Variants in TFE3 observed in about 807,000 individuals in gnomAD.
TFE3 encodes transcription factor binding to IGHM enhancer 3, also known as transcription factor E3.
Under a neutral mutation model 35.0 loss-of-function variants are expected in TFE3, and 5 were observed. The observed-to-expected ratio is 0.14, with a 90% CI of 0.07 to 0.30. The LOEUF is 0.30. TFE3 is among the 10% of genes least tolerant of loss of function. The pLI is 1.00. For synonymous variants in TFE3, 211 were observed against 215.6 expected (o/e 0.98, Z 0.18); for missense variants, 374 against 496.6 (o/e 0.75, Z 2.35).
chrX:49,031,634 C>T, intron 8 of TFE3, 90 bp from the exon 9 acceptor site: 1 of 977,539 alleles, frequency 1.0e-6, no homozygotes, highest in Non-Finnish European at 1.4e-6. Context: ...TGGGAGCCTC[C>T]CACCACATGC....
At chrX:49,033,055 G>A (rs1295299735) in intron 8 of TFE3, among the ~76,000 whole-genome samples, 1 of 106,561 alleles carries the variant, frequency 9.4e-6, no homozygotes, top group African/African-American at 3.4e-5. Context: ...ACCCCGCCTT[G>A]GCCTCCCAAA....
chrX:49,039,069 C>T, intron 3 of TFE3, 38 bp downstream of exon 3: 2 of 1,118,055 alleles, frequency 1.8e-6, no homozygotes. Flanking sequence ...CCTCAGTCAC[C>T]AGGAGCCCCC....
intron 5 of TFE3, among the ~76,000 whole-genome samples, chrX:49,036,190 G>A (rs1378835482): frequency 1.9e-5 from 2 of 107,711 alleles, no homozygotes; most frequent in African/African-American, 6.8e-5. Flanking sequence ...TAAATAGGCC[G>A]GGCGCGGTGG....
Position 49,030,478 on chromosome X carries a change from C to T in TFE3, c.1408G>A (p.Gly470Ser), listed in dbSNP as rs147974460. 258 of 1,209,636 alleles carry T rather than the reference C, an allele frequency of 2.1e-4. No homozygotes were observed. The highest frequency in any genetic ancestry group is 2.7e-4 in the Non-Finnish European group (241 of 895,064). ...TGGAACGTTGCTGCGCCTGGCCTGC[C>T]CTCCTCCTCAATGTCCAGCTGCTCT... ...KPEQLDIEEE[G>S]RPGAATFHVG... Residue 470 changes from glycine (G) to serine (S), a missense_variant, in exon 10 of 10, where the codon GGC (glycine) becomes AGC (serine). By Grantham distance (56) the Gly-to-Ser change is moderately conservative. This residue lies in a region of TFE3 where 117 missense variants were observed against 111.9 expected (regional missense o/e 1.05). Coordinates refer to ENST00000315869, the MANE Select transcript of TFE3 (RefSeq NM_006521.6).
At chrX:49,033,363 C>G in intron 8 of TFE3, 102 bp downstream of exon 8, 1 of 749,782 alleles carries the variant, frequency 1.3e-6, no homozygotes, top group Non-Finnish European at 2.0e-6. Context: ...AGGAGAAATG[C>G]CTGGGCCGAG....
chrX:49,039,720 G>C, intron 2 of TFE3: 1 of 225,080 alleles, frequency 4.4e-6, no homozygotes, highest in Middle Eastern at 1.3e-3. Flanking sequence ...GCAAGGGGGG[G>C]TTTGTCCTAT....
At chrX:49,039,024 G>A in intron 3 of TFE3, 83 bp downstream of exon 3, 1 of 998,570 alleles carries the variant, frequency 1.0e-6, no homozygotes, top group Non-Finnish European at 1.3e-6. Flanking sequence ...CAAATCACCA[G>A]TGCATCGAGG....
At chrX:49,042,111 T>C (rs2064763466) in intron 1 of TFE3, among the ~76,000 whole-genome samples, 1 of 111,085 alleles carries the variant, frequency 9.0e-6, no homozygotes, top group Non-Finnish European at 1.9e-5. Context: ...CCAAAGCCCA[T>C]TGATGAAAGT....
At chrX:49,036,763 T>C (rs1163579167) in intron 5 of TFE3, among the ~76,000 whole-genome samples, 1 of 110,535 alleles carries the variant, frequency 9.0e-6, no homozygotes, top group African/African-American at 3.3e-5. Flanking sequence ...GATAGCACCA[T>C]TGCGCTCCAG....
intron 5 of TFE3, among the ~76,000 whole-genome samples, chrX:49,035,093 T>G (rs1327138247): frequency 9.2e-6 from 1 of 109,111 alleles, no homozygotes; most frequent in Non-Finnish European, 1.9e-5. Flanking sequence ...GGCGGATCAC[T>G]TGAGGTCAGG....
Position 49,038,265 on chromosome X carries a change from C to T in TFE3, c.712G>A (p.Gly238Ser). The change falls in exon 4 of 10, where the codon GGC becomes AGC. Residue 238 changes from glycine to serine, a missense_variant. This residue lies in a region of TFE3 where 167 missense variants were observed against 297.2 expected (regional missense o/e 0.56). Coordinates refer to ENST00000315869, the MANE Select transcript of TFE3 (RefSeq NM_006521.6). ...CTGTTGGGCGCACTGCCTGTGGGGC[C>T]GGTAGTGTGGGCAGCCTCAGGGGCA... The part of the protein sequence containing the change: ...LPAPEAAHTT[G>S]PTGSAPNSPM... 1 of 1,208,188 alleles carries T rather than the reference C, an allele frequency of 8.3e-7. No homozygotes were observed. Among genetic ancestry groups the T allele is most frequent in the Non-Finnish European group, 1.1e-6 (1 of 894,245 alleles).
At chrX:49,033,636 T>C (rs2064711981) in intron 7 of TFE3, 90 bp downstream of exon 7, 3 of 1,184,476 alleles carry the variant, frequency 2.5e-6, no homozygotes, top group South Asian at 3.6e-5. Flanking sequence ...GGGAGGCTGT[T>C]GCAGGGAAGG....
chrX:49,040,052 T>C (rs1809028624), intron 2 of TFE3, among the ~76,000 whole-genome samples: 1 of 110,476 alleles, frequency 9.1e-6, no homozygotes, highest in South Asian at 3.8e-4. Context: ...CAGCAGGGGC[T>C]CCTCAAGGGC....
intron 3 of TFE3, 34 bp downstream of exon 3, chrX:49,039,073 A>G: frequency 8.9e-7 from 1 of 1,121,260 alleles, no homozygotes; most frequent in Non-Finnish European, 1.2e-6. Context: ...AGTCACCAGG[A>G]GCCCCCTCCC....
intron 5 of TFE3, among the ~76,000 whole-genome samples, chrX:49,034,635 G>C: frequency 8.9e-6 from 1 of 112,000 alleles, no homozygotes; most frequent in Non-Finnish European, 1.9e-5. Flanking sequence ...GGACATTCCA[G>C]TCCGTTAGCT....
At chrX:49,039,009 G>T in intron 3 of TFE3, 98 bp downstream of exon 3, 1 of 892,986 alleles carries the variant, frequency 1.1e-6, no homozygotes, top group Non-Finnish European at 1.5e-6. Context: ...CTAAGACCTT[G>T]CCCCCAAATC....
At chrX:49,034,372 A>T (rs978408589) in intron 5 of TFE3, 121 bp from the exon 6 acceptor site, 7 of 500,491 alleles carry the variant, frequency 1.4e-5, no homozygotes, top group Admixed American at 8.8e-5. Context: ...TAATGCAAGG[A>T]CTGGCTGACT....
chrX:49,040,308 GCTCTTTCTGGT>G, intron 2 of TFE3, 136 bp downstream of exon 2: 1 of 425,564 alleles, frequency 2.3e-6, no homozygotes, highest in Non-Finnish European at 4.0e-6. Flanking sequence ...TGTGTGACAT[GCTCTTTCTGGT>G]CCCTAATTTT....
chrX:49,042,723 C>T (rs2064766260), intron 1 of TFE3, among the ~76,000 whole-genome samples: 1 of 111,458 alleles, frequency 9.0e-6, no homozygotes, highest in African/African-American at 3.3e-5. Flanking sequence ...AAAACCAGTG[C>T]CTCACCTGAC....
Sources: gnomAD v4.1 joint callset for allele counts (sites outside exome capture counted in the v4.1 genomes callset) on GRCh38, gnomAD v4.1.1 for gene constraint, gnomAD v4.1.1 regional missense constraint, MANE v1.5 for transcripts, NCBI Gene and HGNC (gene_info 2026-07-23, HGNC 2026-07-21) for gene names.